PPT1: variants seen among roughly 807,000 people sequenced by gnomAD.
The protein encoded by PPT1 is ceroid-palmitoyl-palmitoyl-protein thioesterase 1.
Under a neutral mutation model 44.0 loss-of-function variants are expected in PPT1, and 24 were observed. That is an observed-to-expected ratio of 0.54 (90% CI 0.39 to 0.77). PPT1 has a LOEUF of 0.77. PPT1 is among the 30% of genes least tolerant of loss of function. PPT1 has a pLI of 0.00. For missense variants in PPT1, 341 were observed against 378.8 expected, an observed-to-expected ratio of 0.90 and a Z score of 0.83; for synonymous variants, 148 against 140.2, an observed-to-expected ratio of 1.06 and a Z score of -0.39.
chr1:40,077,000 T>A, intron 7 of PPT1, 87 bp from the exon 8 acceptor site: 1 of 1,485,538 alleles, frequency 6.7e-7, no homozygotes, highest in Non-Finnish European at 9.4e-7. Flanking sequence ...AAGCTAAAAC[T>A]GCCAACAAAG....
At chr1:40,096,119 A>G (rs978660053) in intron 1 of PPT1, among the ~76,000 whole-genome samples, 3 of 150,876 alleles carry the variant, frequency 2.0e-5, no homozygotes, top group Non-Finnish European at 4.4e-5. Context: ...AACTGTCCTC[A>G]TCTACCTCAG....
rs947527008 is a variant in PPT1 at position 40,093,977 on chromosome 1, G to A, written c.125-1470C>T. 6 of 716,066 alleles carry A rather than the reference G, an allele frequency of 8.4e-6. No homozygotes were observed. The African/African-American group carries it at 8.8e-5, about 10-fold the overall frequency. 44.4% of individuals were successfully genotyped at this position (716,066 alleles called of 1,614,324 possible). On this transcript the variant is annotated intron_variant, in intron 1 of 8. Transcript: ENST00000642050. The stretch of plus-strand genomic sequence containing the variant: ...GTAAGACGAGGCAGGAGGATTGCTT[G>A]AGGCCAAGAGTTCGAGACCAGTTTG...
intron 8 of PPT1, among the ~76,000 whole-genome samples, chr1:40,075,542 C>T (rs984365445): frequency 2.0e-5 from 3 of 150,684 alleles, no homozygotes; most frequent in Non-Finnish European, 4.4e-5. Context: ...CAAGTTGAGG[C>T]ACCCAGTGCA....
chr1:40,089,747 C>T (rs1017865228), intron 4 of PPT1, among the ~76,000 whole-genome samples: 1 of 152,172 alleles, frequency 6.6e-6, no homozygotes, highest in African/African-American at 2.4e-5. Flanking sequence ...GGATGTGTTG[C>T]ATCACATGGC....
intron 1 of PPT1, among the ~76,000 whole-genome samples, chr1:40,096,425 C>T (rs188165443): frequency 1.7e-4 from 26 of 151,094 alleles, no homozygotes; most frequent in Admixed American, 1.5e-3. Flanking sequence ...GCATCCTAAT[C>T]TGAAAATGGG....
chr1:40,094,062 C>T, intron 1 of PPT1: 1 of 668,554 alleles, frequency 1.5e-6, no homozygotes. Context: ...ATAATTAAGA[C>T]ACCAAATTTA....
In PPT1 at chr1:40,073,981, T is replaced by C. The variant is rs1648420985; in HGVS notation, c.*80A>G. 2 of 1,578,924 alleles carry C rather than the reference T, an allele frequency of 1.3e-6. No individual in the cohort carries two copies. Among genetic ancestry groups the C allele is most frequent in the Non-Finnish European group, 1.7e-6 (2 of 1,151,282 alleles). On this transcript the variant is annotated 3_prime_UTR_variant, in exon 9 of 9. Transcript: ENST00000642050. ...TTGCAAGCTGGATCTGAGCTCAGGC[T>C]TGGGCATGAAGGAAACTGTCTCCCA...
chr1:40,096,950 TC>T, intron 1 of PPT1, 164 bp downstream of exon 1: 2 of 1,273,090 alleles, frequency 1.6e-6, no homozygotes, highest in South Asian at 2.6e-5. Flanking sequence ...GACGGCTCCT[TC>T]CCCTTCTCTC....
chr1:40,093,867 G>C, intron 1 of PPT1: 1 of 537,164 alleles, frequency 1.9e-6, no homozygotes, highest in South Asian at 2.3e-5. Context: ...CTGGGCAACA[G>C]AACAAGGCTC....
intron 4 of PPT1, 153 bp from the exon 5 acceptor site, chr1:40,089,665 T>TATCAC: frequency 2.9e-6 from 2 of 694,450 alleles, no homozygotes; most frequent in South Asian, 3.0e-5. Context: ...GAACTAATAC[T>TATCAC]ATCACCAGCT....
At chr1:40,090,363 T>A (rs540852710) in intron 4 of PPT1, among the ~76,000 whole-genome samples, 1 of 152,160 alleles carries the variant, frequency 6.6e-6, no homozygotes, top group Non-Finnish European at 1.5e-5. Flanking sequence ...TGTGTGTATA[T>A]ATGTGTATAT....
chr1:40,075,598 A>G (rs1361806524), intron 8 of PPT1, among the ~76,000 whole-genome samples: 2 of 151,992 alleles, frequency 1.3e-5, no homozygotes, highest in East Asian at 1.9e-4. Context: ...CTGAAATAAC[A>G]TGGAGGAATT....
In PPT1 at chr1:40,076,880, C is replaced by A; in HGVS notation, c.760G>T (p.Glu254Ter). 1 of 1,614,218 alleles carries A rather than the reference C, an allele frequency of 6.2e-7. No individual in the cohort carries two copies. The highest frequency in any genetic ancestry group is 8.5e-7 in the Non-Finnish European group (1 of 1,180,022). Reference protein sequence around the residue: ...FGFYRSGQAKETIPLQETSLY... With the variant: ...FGFYRSGQAK Reference sequence around the variant, plus strand: ...GAGGTCTCCTGTAAGGGAATGGTTTCCTTGGCTTGGCCACTTCTGTAAAAT... The same window carrying A: ...GAGGTCTCCTGTAAGGGAATGGTTTACTTGGCTTGGCCACTTCTGTAAAAT... The change falls in exon 8 of 9, where the codon GAA becomes TAA. Residue 254 changes from glutamate to a stop codon, truncating the protein, a stop_gained. Coordinates refer to ENST00000642050, the MANE Select transcript of PPT1 (RefSeq NM_000310.4). LOFTEE classifies it high-confidence loss of function.
chr1:40,095,826 T>C (rs114133774), intron 1 of PPT1, among the ~76,000 whole-genome samples: 3,341 of 152,302 alleles, frequency 0.022, 121 homozygotes, highest in African/African-American at 0.076. Context: ...GATCTATTCT[T>C]AATACAGCAA....
chr1:40,084,387 A>G (rs1649143818), intron 5 of PPT1, among the ~76,000 whole-genome samples: 1 of 152,230 alleles, frequency 6.6e-6, no homozygotes, highest in Non-Finnish European at 1.5e-5. Context: ...TAAATATTAC[A>G]TAAGCTTACA....
At chr1:40,080,523 C>T (rs767699916) in intron 5 of PPT1, 36 bp from the exon 6 acceptor site, 2 of 1,593,062 alleles carry the variant, frequency 1.3e-6, no homozygotes, top group Non-Finnish European at 1.7e-6. Context: ...GATCAAGCTA[C>T]AGGTCAGTCA....
In PPT1 at chr1:40,087,279, G is replaced by C. The variant is rs186948371; in HGVS notation, c.536+2131C>G. Among the ~76,000 whole-genome samples, 27 of 152,048 alleles carry C rather than the reference G, an allele frequency of 1.8e-4. No individual in the cohort carries two copies. The East Asian group carries it at 5.3e-3, about 30-fold the overall frequency. Reference sequence around the variant, plus strand: ...ATTTTTTGAGACAGAGTCTCACTCTGTCATCTAGGTTGGGGTGCAGTGGTG... The same window carrying C: ...ATTTTTTGAGACAGAGTCTCACTCTCTCATCTAGGTTGGGGTGCAGTGGTG... On this transcript the variant is annotated intron_variant, in intron 5 of 8. Coordinates refer to ENST00000642050, the MANE Select transcript of PPT1 (RefSeq NM_000310.4).
intron 8 of PPT1, among the ~76,000 whole-genome samples, chr1:40,075,991 A>C (rs1214080133): frequency 1.0e-5 from 1 of 99,150 alleles, no homozygotes; most frequent in Non-Finnish European, 2.1e-5. Flanking sequence ...AAAAAAAAAA[A>C]TCCTTAAAGT....
chr1:40,082,200 G>T (rs895732942), intron 5 of PPT1: 8 of 152,180 alleles, frequency 5.3e-5, no homozygotes, highest in African/African-American at 1.9e-4. Context: ...TAGCCAGAGT[G>T]GAAGAGCTGC....
Sources: allele counts gnomAD v4.1 joint callset (sites outside exome capture counted in the v4.1 genomes callset), GRCh38; gene constraint gnomAD v4.1.1; transcripts MANE v1.5; gene names NCBI Gene and HGNC (gene_info 2026-07-23, HGNC 2026-07-21).